Variants in TMEM114 observed in about 807,000 individuals in gnomAD.
TMEM114 encodes the protein transmembrane protein 114.
In TMEM114, 6 loss-of-function variants were observed where a neutral mutation model predicts 6.2. The observed-to-expected ratio is 0.97, with a 90% CI of 0.53 to 1.91. The LOEUF (loss-of-function observed/expected upper bound fraction) is 1.91, where lower values mean the gene tolerates loss of function less well. Among genes scored for constraint, TMEM114 ranks in the 40% most tolerant of loss-of-function variants. The pLI, the probability that TMEM114 is intolerant of heterozygous loss-of-function variation, is 0.01. For synonymous variants in TMEM114, 104 were observed against 73.0 expected (o/e 1.42, Z -2.16); for missense variants, 218 against 158.3 (o/e 1.38, Z -2.02).
rs546492073 is a variant in TMEM114 at position 8,539,535 on chromosome 16, C to T, written n.213-1709G>A. Among the ~76,000 whole-genome samples the T allele has an allele frequency of 5.9e-5, 9 of 152,282 alleles. No homozygotes were observed. The East Asian group carries it at 1.6e-3, about 26-fold the overall frequency. On this transcript the variant is annotated intron_variant and non_coding_transcript_variant, in intron 2 of 2. Coordinates refer to the TMEM114 transcript ENST00000623677. ...GCTCACACCACCCTCTCCTTCCATC[C>T]TCCCACGCTCCAATTCCCTTATCCA...
chr16:8,569,543 AC>A lies in TMEM114; in HGVS notation c.*229del. 7.1e-7 allele frequency: 1 copy of A among 1,400,824 alleles called. No individual in the cohort carries two copies. Among genetic ancestry groups the A allele is most frequent in the Non-Finnish European group, 9.3e-7 (1 of 1,080,258 alleles). The allele number at this position is 1,400,824 out of a possible 1,614,324, so 86.8% of individuals were successfully genotyped here. ...TTTATTTCTCGCGAAGCGGTTTGGC[AC>A]TCCCTCGGGCTCCTCCAGGCCACAC... On this transcript the variant is annotated 3_prime_UTR_variant, in exon 4 of 4. Transcript: ENST00000620492.
intron 2 of TMEM114, among the ~76,000 whole-genome samples, chr16:8,563,589 A>ATGAC (rs1901373297): frequency 6.9e-6 from 1 of 144,086 alleles, no homozygotes; most frequent in Non-Finnish European, 1.5e-5. Context: ...GAGTGAGTGA[A>ATGAC]TGAGTGTGTG....
At chr16:8,534,497 C>G (rs974839648), downstream of TMEM114, among the ~76,000 whole-genome samples, 1 of 152,146 alleles carries the variant, frequency 6.6e-6, no homozygotes, top group Non-Finnish European at 1.5e-5. Flanking sequence ...GAGGGTCTCT[C>G]CAATGCACCT....
At chr16:8,540,142 A>G (rs562033283) in intron 2 of TMEM114, among the ~76,000 whole-genome samples, 1 of 152,316 alleles carries the variant, frequency 6.6e-6, no homozygotes, top group East Asian at 1.9e-4. Flanking sequence ...GGTATTTAAT[A>G]ATAAGAATGT....
intron 2 of TMEM114, among the ~76,000 whole-genome samples, chr16:8,547,052 G>C (rs1309888183): frequency 6.6e-6 from 1 of 152,202 alleles, no homozygotes; most frequent in East Asian, 1.9e-4. Context: ...TATCCAGTCT[G>C]CATATAATGG....
At chr16:8,563,701 G>C (rs923822849) in intron 2 of TMEM114, among the ~76,000 whole-genome samples, 1 of 148,742 alleles carries the variant, frequency 6.7e-6, no homozygotes, top group Non-Finnish European at 1.5e-5. Flanking sequence ...GAGTGAGTTA[G>C]TGAATGAGTG....
chr16:8,556,088 C>T (rs969512541), intron 2 of TMEM114, among the ~76,000 whole-genome samples: 4 of 152,220 alleles, frequency 2.6e-5, no homozygotes, highest in East Asian at 1.9e-4. Context: ...ACTCATATTT[C>T]ATCTGAGAAC....
At chr16:8,552,641 T>A (rs1440883987) in intron 2 of TMEM114, among the ~76,000 whole-genome samples, 1 of 151,872 alleles carries the variant, frequency 6.6e-6, no homozygotes, top group African/African-American at 2.4e-5. Flanking sequence ...AGTGAAGGGT[T>A]CAAGGTACTC....
chr16:8,553,170 C>A (rs545046493), intron 2 of TMEM114, among the ~76,000 whole-genome samples: 1 of 152,306 alleles, frequency 6.6e-6, no homozygotes, highest in African/African-American at 2.4e-5. Flanking sequence ...TTCCTCTGGT[C>A]TGAGAAACAC....
chr16:8,541,351 T>C (rs1349554898), intron 2 of TMEM114, among the ~76,000 whole-genome samples: 1 of 152,082 alleles, frequency 6.6e-6, no homozygotes, highest in Non-Finnish European at 1.5e-5. Context: ...GGTTACATTA[T>C]TAATAATACT....
chr16:8,557,577 G>T (rs571984431), intron 2 of TMEM114, among the ~76,000 whole-genome samples: 2 of 152,292 alleles, frequency 1.3e-5, no homozygotes, highest in Non-Finnish European at 2.9e-5. Context: ...ACTACATCTT[G>T]GGTAATTTAT....
chr16:8,535,676 G>C (rs1900334944), downstream of TMEM114, among the ~76,000 whole-genome samples: 1 of 152,224 alleles, frequency 6.6e-6, no homozygotes, highest in Non-Finnish European at 1.5e-5. Flanking sequence ...TGGCATTGCA[G>C]CAAATCCTTC....
chr16:8,572,255 A>C (rs1461998554), intron 2 of TMEM114, 31 bp from the exon 3 acceptor site: 1 of 1,551,528 alleles, frequency 6.4e-7, no homozygotes, highest in Non-Finnish European at 8.7e-7. Flanking sequence ...TACCAGGCAG[A>C]GGACAGTTAC....
chr16:8,549,692 G>A (rs935845961), intron 2 of TMEM114, among the ~76,000 whole-genome samples: 9 of 152,004 alleles, frequency 5.9e-5, no homozygotes, highest in Non-Finnish European at 1.3e-4. Flanking sequence ...CTTTTTGTAT[G>A]CGGGGTTCTG....
intron 2 of TMEM114, among the ~76,000 whole-genome samples, chr16:8,552,984 C>G (rs1348396833): frequency 1.3e-5 from 2 of 152,224 alleles, no homozygotes; most frequent in African/African-American, 4.8e-5. Context: ...ATCCTTTTAT[C>G]CAGGTCCTTT....
chr16:8,562,415 A>T, intron 2 of TMEM114, among the ~76,000 whole-genome samples: 1 of 151,500 alleles, frequency 6.6e-6, no homozygotes, highest in South Asian at 2.2e-4. Context: ...TGAGTAAATG[A>T]GTGAGTGAAT....
chr16:8,529,189 G>A, the TMEM114 span, among the ~76,000 whole-genome samples: 14 of 152,314 alleles, frequency 9.2e-5, no homozygotes, highest in Non-Finnish European at 1.5e-4. Context: ...GAGAAGGACA[G>A]CTAGACTTGG....
intron 2 of TMEM114, among the ~76,000 whole-genome samples, chr16:8,556,783 G>A (rs1184233222): frequency 1.3e-5 from 2 of 152,204 alleles, no homozygotes; most frequent in South Asian, 4.1e-4. Flanking sequence ...GATTATAGGC[G>A]TGAGCCACCG....
chr16:8,530,879 G>T, the TMEM114 span, among the ~76,000 whole-genome samples: 5 of 152,136 alleles, frequency 3.3e-5, no homozygotes, highest in South Asian at 8.3e-4. Context: ...GCAAAAATTA[G>T]CAGGGTGTGG....
Sources: gnomAD v4.1 joint callset for allele counts (sites outside exome capture counted in the v4.1 genomes callset) on GRCh38, gnomAD v4.1.1 for gene constraint, MANE v1.5 for transcripts, NCBI Gene and HGNC (gene_info 2026-07-23, HGNC 2026-07-21) for gene names.